DLC1: variants seen among roughly 807,000 people sequenced by gnomAD.
The protein encoded by DLC1 is rho GTPase-activating protein 7.
DLC1 carries 54 observed loss-of-function variants against 140.3 expected under a neutral mutation model. The observed-to-expected ratio is 0.38, with a 90% CI of 0.31 to 0.48. The LOEUF is 0.48. Among genes scored for constraint, DLC1 ranks in the 20% least tolerant of loss-of-function variants. The pLI is 0.96. For synonymous variants in DLC1, 986 were observed against 728.1 expected (o/e 1.35, Z -5.70); for missense variants, 2,536 against 1,907.0 (o/e 1.33, Z -6.14).
chr8:13,430,951 T>A (rs1370867077), intron 2 of DLC1, among the ~76,000 whole-genome samples: 1 of 152,242 alleles, frequency 6.6e-6, no homozygotes, highest in Non-Finnish European at 1.5e-5. Flanking sequence ...ATTGCTATCC[T>A]ATGAAGTCGC....
At chr8:13,601,711 A>G (rs1375860517) in intron 1 of DLC1, among the ~76,000 whole-genome samples, 1 of 151,686 alleles carries the variant, frequency 6.6e-6, no homozygotes, top group Non-Finnish European at 1.5e-5. Flanking sequence ...GGGTTGGGGA[A>G]CAACTGGAGT....
rs562095734 is a variant in DLC1 at position 13,459,414 on chromosome 8, A to G, written c.1023+39635T>C. 5.9e-5 allele frequency among the ~76,000 whole-genome samples: 9 copies of G among 152,312 alleles called. No individual in the cohort carries two copies. In the Middle Eastern group the frequency reaches 0.01, roughly 173 times the overall value. On this transcript the variant is annotated intron_variant, in intron 2 of 17. Coordinates refer to ENST00000276297, the MANE Select transcript of DLC1 (RefSeq NM_182643.3). ...TTTTATTTTTCAGATAATTGTGTCA[A>G]TAAATAAGTTGTGAAAGAAAGGTTT...
intron 2 of DLC1, among the ~76,000 whole-genome samples, chr8:13,439,433 A>C (rs758951401): frequency 3.2e-4 from 49 of 152,098 alleles, no homozygotes; most frequent in Middle Eastern, 3.4e-3. Context: ...TTTAAGTTTG[A>C]GCACTCCATT....
At chr8:13,237,256 T>C (rs1374215609) in intron 5 of DLC1, among the ~76,000 whole-genome samples, 3 of 144,478 alleles carry the variant, frequency 2.1e-5, no homozygotes, top group African/African-American at 5.2e-5. Context: ...CACACACACA[T>C]ATATGTGAGT....
intron 1 of DLC1, among the ~76,000 whole-genome samples, chr8:13,568,818 G>A (rs967693230): frequency 6.6e-6 from 1 of 152,132 alleles, no homozygotes; most frequent in African/African-American, 2.4e-5. Flanking sequence ...GTCATGTATT[G>A]GGCACTGCTG....
chr8:13,460,372 C>G (rs1213868754), intron 2 of DLC1, among the ~76,000 whole-genome samples: 1 of 152,214 alleles, frequency 6.6e-6, no homozygotes, highest in South Asian at 2.1e-4. Context: ...TAAAAGACTT[C>G]TGTACAGATT....
At chr8:13,533,026 T>A (rs543664028) in intron 1 of DLC1, among the ~76,000 whole-genome samples, 1 of 152,224 alleles carries the variant, frequency 6.6e-6, no homozygotes, top group African/African-American at 2.4e-5. Context: ...AACTAGCCTG[T>A]GGAATAATTG....
At chr8:13,305,043 C>A (rs1832362456) in intron 5 of DLC1, 1 of 1,165,624 alleles carries the variant, frequency 8.6e-7, no homozygotes, top group Non-Finnish European at 1.1e-6. Context: ...AAGGAAGACC[C>A]CAAGAAACAC....
At chr8:13,383,242 T>C (rs1337547651) in intron 4 of DLC1, among the ~76,000 whole-genome samples, 1 of 152,182 alleles carries the variant, frequency 6.6e-6, no homozygotes, top group Non-Finnish European at 1.5e-5. Context: ...CCCTGTTGTT[T>C]TTCAGGATTT....
chr8:13,166,215 A>G (rs1486635349), intron 5 of DLC1, among the ~76,000 whole-genome samples: 1 of 151,760 alleles, frequency 6.6e-6, no homozygotes, highest in African/African-American at 2.4e-5. Context: ...AGCCCAGCAC[A>G]TTTTCTCTCT....
intron 1 of DLC1, among the ~76,000 whole-genome samples, chr8:13,504,775 T>C (rs1801979022): frequency 6.6e-6 from 1 of 151,084 alleles, no homozygotes; most frequent in African/African-American, 2.4e-5. Context: ...AAAGTCTTAC[T>C]TTTTTTTTAA....
intron 4 of DLC1, among the ~76,000 whole-genome samples, chr8:13,337,207 T>C (rs886938276): frequency 3.3e-5 from 5 of 152,168 alleles, no homozygotes; most frequent in Non-Finnish European, 5.9e-5. Context: ...AGGTGGCCTA[T>C]ATGAAAAATG....
chr8:13,356,955 C>G (rs73203980), intron 4 of DLC1, among the ~76,000 whole-genome samples: 1 of 151,788 alleles, frequency 6.6e-6, no homozygotes, highest in Non-Finnish European at 1.5e-5. Context: ...TTTACAAGTA[C>G]GAGTTCAGAG....
intron 4 of DLC1, among the ~76,000 whole-genome samples, chr8:13,347,590 TC>T (rs1834410298): frequency 6.6e-6 from 1 of 152,162 alleles, no homozygotes; most frequent in African/African-American, 2.4e-5. Context: ...TAGAGGATAG[TC>T]CTAGGCACCA....
intron 2 of DLC1, among the ~76,000 whole-genome samples, chr8:13,469,838 G>C (rs1445456693): frequency 2.0e-5 from 3 of 152,144 alleles, no homozygotes; most frequent in Admixed American, 1.3e-4. Flanking sequence ...CAAAGATTCT[G>C]AGATTTCCTG....
intron 1 of DLC1, among the ~76,000 whole-genome samples, chr8:13,585,770 C>T: frequency 6.6e-6 from 1 of 152,108 alleles, no homozygotes; most frequent in Non-Finnish European, 1.5e-5. Context: ...ATATTTTATT[C>T]TACCCATGCT....
At chr8:13,226,828 C>A (rs1049128442) in intron 5 of DLC1, among the ~76,000 whole-genome samples, 1 of 152,128 alleles carries the variant, frequency 6.6e-6, no homozygotes, top group African/African-American at 2.4e-5. Flanking sequence ...TAGCTTTTGA[C>A]CTGAGGGAAG....
intron 4 of DLC1, among the ~76,000 whole-genome samples, chr8:13,305,889 T>A (rs928489023): frequency 6.6e-6 from 1 of 152,136 alleles, no homozygotes; most frequent in Admixed American, 6.5e-5. Context: ...ACACTTTGAA[T>A]TGGGGTAGAA....
At chr8:13,139,133 T>TA (rs1056675723) in intron 5 of DLC1, among the ~76,000 whole-genome samples, 3 of 149,914 alleles carry the variant, frequency 2.0e-5, no homozygotes, top group African/African-American at 4.9e-5. Flanking sequence ...ACATTAAAAA[T>TA]AAAAAAACAA....
Sources: gnomAD v4.1 joint callset for allele counts (sites outside exome capture counted in the v4.1 genomes callset) on GRCh38, gnomAD v4.1.1 for gene constraint, MANE v1.5 for transcripts, NCBI Gene and HGNC (gene_info 2026-07-23, HGNC 2026-07-21) for gene names.